CNTNAP5: variants seen among roughly 807,000 people sequenced by gnomAD.
The protein encoded by CNTNAP5 is contactin-associated protein-like 5.
Under a neutral mutation model 150.2 loss-of-function variants are expected in CNTNAP5, and 72 were observed. The ratio of observed to expected loss-of-function variants is 0.48; its 90% confidence interval spans 0.40 to 0.58. CNTNAP5 has a LOEUF of 0.58. Ranked by LOEUF, CNTNAP5 falls within the 20% of genes least tolerant of loss-of-function variation. The pLI is 0.00. For missense variants in CNTNAP5, 1,636 were observed against 1,626.2 expected (o/e 1.01, Z -0.10); for synonymous variants, 672 against 619.8 (o/e 1.08, Z -1.25).
At chr2:124,613,917 A>G (rs1677441580) in intron 12 of CNTNAP5, among the ~76,000 whole-genome samples, 1 of 152,184 alleles carries the variant, frequency 6.6e-6, no homozygotes, top group Non-Finnish European at 1.5e-5. Flanking sequence ...CATCCTTGGA[A>G]CTATGTTCTA....
chr2:124,407,755 C>T (rs922420351), intron 3 of CNTNAP5, among the ~76,000 whole-genome samples: 1 of 152,008 alleles, frequency 6.6e-6, no homozygotes, highest in Non-Finnish European at 1.5e-5. Flanking sequence ...TAGTTTTTTC[C>T]TCTCTGTAAT....
At chr2:124,801,288 G>A (rs1223714765) in intron 19 of CNTNAP5, among the ~76,000 whole-genome samples, 1 of 152,194 alleles carries the variant, frequency 6.6e-6, no homozygotes, top group Non-Finnish European at 1.5e-5. Flanking sequence ...TAAGGAATGA[G>A]AGACTAAAAA....
chr2:124,885,419 C>T (rs943279895), intron 21 of CNTNAP5, among the ~76,000 whole-genome samples: 1 of 151,770 alleles, frequency 6.6e-6, no homozygotes, highest in African/African-American at 2.4e-5. Context: ...ATTATAATAC[C>T]CTCTCTTTAT....
In CNTNAP5 at chr2:124,764,019, A is replaced by G; in HGVS notation, c.2405A>G (p.Tyr802Cys). 6.2e-7 allele frequency: 1 copy of G among 1,613,248 alleles called. No individual in the cohort carries two copies. The change falls in exon 16 of 24, where the codon TAC becomes TGC. Residue 802 changes from tyrosine (Y) to cysteine (C), a missense_variant. Physicochemically the swap from Tyr to Cys is radical, Grantham distance 194 (BLOSUM62 -2). Coordinates refer to ENST00000682447, the MANE Select transcript of CNTNAP5 (RefSeq NM_001367498.1). Reference protein sequence around the residue: ...NAVSFYTEASYLHFPTFHAEF... With the variant: ...NAVSFYTEASCLHFPTFHAEF... ...GTCTCATTTTATACAGAAGCCTCTT[A>G]CCTCCACTTTCCTACCTTCCATGCG...
chr2:124,339,431 A>G (rs1426560784), intron 3 of CNTNAP5, among the ~76,000 whole-genome samples: 1 of 152,156 alleles, frequency 6.6e-6, no homozygotes, highest in Non-Finnish European at 1.5e-5. Context: ...GGAGAAAAGA[A>G]AAAGAGACAG....
At chr2:124,329,862 AC>A (rs1689306206) in intron 3 of CNTNAP5, among the ~76,000 whole-genome samples, 1 of 152,166 alleles carries the variant, frequency 6.6e-6, no homozygotes, top group South Asian at 2.1e-4. Context: ...GGTGTAGTCT[AC>A]AAGCTAGTTT....
At chr2:124,499,205 C>A (rs1181868651) in intron 7 of CNTNAP5, among the ~76,000 whole-genome samples, 2 of 152,278 alleles carry the variant, frequency 1.3e-5, no homozygotes, top group African/African-American at 4.8e-5. Context: ...AAATTTAACA[C>A]CCTCACTTCC....
At chr2:124,638,239 G>GATACATATATATGATACA (rs1558715156) in intron 12 of CNTNAP5, among the ~76,000 whole-genome samples, 2 of 147,306 alleles carry the variant, frequency 1.4e-5, no homozygotes, top group Non-Finnish European at 1.5e-5. Flanking sequence ...ACATATATAT[G>GATACATATATATGATACA]TAACTTCTCT....
At chr2:124,786,464 A>AAGGAAGGAAGG (rs1681594031) in intron 17 of CNTNAP5, among the ~76,000 whole-genome samples, 2 of 92,790 alleles carry the variant, frequency 2.2e-5, no homozygotes, top group African/African-American at 1.3e-4. Flanking sequence ...AGAAAGAAAG[A>AAGGAAGGAAGG]AAGGAAGGAA....
chr2:124,074,891 T>A (rs894781023), intron 1 of CNTNAP5, among the ~76,000 whole-genome samples: 1 of 152,172 alleles, frequency 6.6e-6, no homozygotes, highest in Non-Finnish European at 1.5e-5. Flanking sequence ...AAGCCTCATT[T>A]ACTGTGAGCA....
intron 3 of CNTNAP5, among the ~76,000 whole-genome samples, chr2:124,388,710 T>A (rs1690998576): frequency 6.6e-6 from 1 of 152,120 alleles, no homozygotes; most frequent in Non-Finnish European, 1.5e-5. Flanking sequence ...TTCTTTTGTT[T>A]TTGAGATGGA....
chr2:124,355,190 A>G (rs1428687412), intron 3 of CNTNAP5, among the ~76,000 whole-genome samples: 1 of 152,108 alleles, frequency 6.6e-6, no homozygotes, highest in Non-Finnish European at 1.5e-5. Flanking sequence ...AAAAATAATT[A>G]GGGGATAAAT....
chr2:124,673,416 A>G (rs1162394536), intron 13 of CNTNAP5, among the ~76,000 whole-genome samples: 1 of 152,130 alleles, frequency 6.6e-6, no homozygotes, highest in Non-Finnish European at 1.5e-5. Context: ...GTCATAAAAA[A>G]TGTTAAGGTA....
intron 1 of CNTNAP5, among the ~76,000 whole-genome samples, chr2:124,086,430 C>T (rs1198933224): frequency 6.6e-6 from 1 of 151,396 alleles, no homozygotes; most frequent in Non-Finnish European, 1.5e-5. Flanking sequence ...GTCTCGATCT[C>T]CTGACCTCGT....
At chr2:124,419,152 A>AAAAAACAAAAAAC (rs1553466538) in intron 4 of CNTNAP5, among the ~76,000 whole-genome samples, 1,927 of 121,018 alleles carry the variant, frequency 0.016, 101 homozygotes, top group Middle Eastern at 0.05. Flanking sequence ...AAAAAAAAAA[A>AAAAAACAAAAAAC]AAAAAAAAAA....
intron 1 of CNTNAP5, among the ~76,000 whole-genome samples, chr2:124,164,127 T>C (rs1440735417): frequency 1.3e-5 from 2 of 152,214 alleles, no homozygotes; most frequent in Non-Finnish European, 2.9e-5. Context: ...TTTTGAAGTC[T>C]TTCAGCCATT....
chr2:124,900,586 C>G (rs968131775), intron 21 of CNTNAP5, among the ~76,000 whole-genome samples: 2 of 151,370 alleles, frequency 1.3e-5, no homozygotes, highest in African/African-American at 4.9e-5. Flanking sequence ...CTGGCATTTC[C>G]CCCGACTTAT....
At chr2:124,399,032 G>T (rs1691337730) in intron 3 of CNTNAP5, among the ~76,000 whole-genome samples, 1 of 152,188 alleles carries the variant, frequency 6.6e-6, no homozygotes, top group African/African-American at 2.4e-5. Flanking sequence ...CTTGGCAAGA[G>T]AAATTAATTC....
intron 1 of CNTNAP5, among the ~76,000 whole-genome samples, chr2:124,051,912 C>G (rs1418425352): frequency 1.3e-5 from 2 of 152,092 alleles, no homozygotes; most frequent in African/African-American, 4.8e-5. Flanking sequence ...AAGGACCAAC[C>G]CCTCCCAAAT....
Sources: gnomAD v4.1 joint callset for allele counts (sites outside exome capture counted in the v4.1 genomes callset) on GRCh38, gnomAD v4.1.1 for gene constraint, MANE v1.5 for transcripts, NCBI Gene and HGNC (gene_info 2026-07-23, HGNC 2026-07-21) for gene names.